HCFC1: variants seen among roughly 807,000 people sequenced by gnomAD.
HCFC1 encodes host cell factor 1.
HCFC1 carries 7 observed loss-of-function variants against 105.5 expected under a neutral mutation model. The observed-to-expected ratio is 0.07, with a 90% CI of 0.04 to 0.12. The LOEUF (loss-of-function observed/expected upper bound fraction) is 0.12, where lower values mean the gene tolerates loss of function less well. HCFC1 is among the 10% of genes least tolerant of loss of function. The probability of loss-of-function intolerance (pLI) is 1.00; values close to 1 mark genes in which losing one functional copy is unlikely to be tolerated. For missense variants in HCFC1, 1,065 were observed against 1,823.6 expected, an observed-to-expected ratio of 0.58 and a Z score of 7.58; for synonymous variants, 918 against 828.1, an observed-to-expected ratio of 1.11 and a Z score of -1.86.
chrX:153,958,880 G>A (rs1337653542), intron 9 of HCFC1, 114 bp from the exon 10 acceptor site: 37 of 531,858 alleles, frequency 7.0e-5, no homozygotes, highest in East Asian at 2.9e-4. Context: ...GCCTCATCCC[G>A]CCAGCATGGC....
chrX:153,969,718 G>A (rs1235972285), intron 1 of HCFC1: 1 of 113,377 alleles, frequency 8.8e-6, no homozygotes, highest in Non-Finnish European at 1.9e-5. Flanking sequence ...GAAGGCCGTG[G>A]TGCATCAGCC....
At chrX:153,965,661 G>A (rs1391534987) in intron 1 of HCFC1, among the ~76,000 whole-genome samples, 1 of 112,524 alleles carries the variant, frequency 8.9e-6, no homozygotes, top group African/African-American at 3.2e-5. Flanking sequence ...GCAGACGGCA[G>A]AAGGAACTGA....
rs1266220019 is a variant in HCFC1, at chrX:153,949,199, CAG to C, written c.*146_*147del. On this transcript the variant is annotated 3_prime_UTR_variant, in exon 26 of 26. Coordinates refer to ENST00000310441, the MANE Select transcript of HCFC1 (RefSeq NM_005334.3). ...TGCTTTCTTTAGATTATTTTAAAAA[CAG>C]AGAGAAAGAGAAAGGGGAGAGGAGT... 6.4e-6 allele frequency: 3 copies of C among 469,118 alleles called. No individual in the cohort carries two copies. Among genetic ancestry groups the C allele is most frequent in the Admixed American group, 7.0e-5 (2 of 28,487 alleles). The allele number at this position is 469,118 out of a possible 1,213,427, so 38.7% of individuals were successfully genotyped here.
intron 12 of HCFC1, 101 bp downstream of exon 12, chrX:153,957,681 T>C (rs2065391181): frequency 3.9e-6 from 3 of 764,896 alleles, no homozygotes; most frequent in East Asian, 6.4e-5. Flanking sequence ...TGCTGAGCCA[T>C]GTGTGCTCAT....
At chrX:153,962,379 C>T (rs193052579) in intron 4 of HCFC1, 73 bp from the exon 5 acceptor site, 19 of 749,672 alleles carry the variant, frequency 2.5e-5, no homozygotes, top group African/African-American at 2.1e-5. Flanking sequence ...TTCAAGCTAG[C>T]TCAGGAAGGT....
rs1557115427 is a variant in HCFC1, at chrX:153,957,441, A to G, written c.2226T>C (p.Ser742=). 8.3e-7 allele frequency: 1 copy of G among 1,210,235 alleles called. No homozygotes were observed. ...GGATGGTGGGCTTGGTCCCCGCCCC[A>G]CTGGCCTGCGTGGTAGTGATGATGG... is the stretch of plus-strand genomic sequence containing the variant. ...PTTIITTTQA[S]GAGTKPTILG... Residue 742 remains serine (S), a synonymous_variant, in exon 13 of 26, where the codon AGT becomes AGC. Transcript: ENST00000310441.
rs781993325 is a variant in HCFC1 at position 153,958,783 on chromosome X, C to T, written c.1606-17G>A. 2.7e-6 allele frequency: 3 copies of T among 1,129,037 alleles called. No homozygotes were observed. The highest frequency in any genetic ancestry group is 3.5e-6 in the Non-Finnish European group (3 of 845,604). 93.0% of individuals were successfully genotyped at this position (1,129,037 alleles called of 1,213,427 possible). On this transcript the variant is annotated splice_polypyrimidine_tract_variant and intron_variant, in intron 9 of 25. Coordinates refer to ENST00000310441, the MANE Select transcript of HCFC1 (RefSeq NM_005334.3). The stretch of plus-strand genomic sequence containing the variant: ...GCCAATCACCTGCAGCAGGCACGGG[C>T]ATGTGAGGCCAGGTCACAGGTGCCA...
rs2065445801 is a variant in HCFC1, at chrX:153,963,215, C to T, written c.712+10G>A. On this transcript the variant is annotated intron_variant, in intron 4 of 25. Transcript: ENST00000310441. Reference sequence around the variant, plus strand: ...TCCCATGGCTGCTGGGGTGCTACCACCCTGCTCACCAATATCTAGGGTCCA... The same window carrying T: ...TCCCATGGCTGCTGGGGTGCTACCATCCTGCTCACCAATATCTAGGGTCCA... 2.5e-6 allele frequency: 3 copies of T among 1,195,049 alleles called. No individual in the cohort carries two copies. Among genetic ancestry groups the T allele is most frequent in the Non-Finnish European group, 3.4e-6 (3 of 882,030 alleles).
At position 153,949,075 on chromosome X, in the gene HCFC1, C is replaced by T. The variant is rs1474386551; in HGVS notation, c.*272G>A. On this transcript the variant is annotated 3_prime_UTR_variant, in exon 26 of 26. Transcript: ENST00000310441. ...CTCCGCCTTCCCTCCCCGCAAAAGTCTCTCCCCAGGGTGGGCGGCAGCGGG... is the reference window on the plus strand; with the variant it reads ...CTCCGCCTTCCCTCCCCGCAAAAGTTTCTCCCCAGGGTGGGCGGCAGCGGG... 1 of 266,635 alleles carries T rather than the reference C, an allele frequency of 3.8e-6. No individual in the cohort carries two copies. Among genetic ancestry groups the T allele is most frequent in the Non-Finnish European group, 6.6e-6 (1 of 151,684 alleles). The allele number at this position is 266,635 out of a possible 1,213,427, so 22.0% of individuals were successfully genotyped here. A position where few individuals can be genotyped will look rare whatever the true frequency, so the allele number is the denominator to read the frequency against.
At position 153,958,196 on chromosome X, in the gene HCFC1, T is replaced by C. The variant is rs1557115708; in HGVS notation, c.1857A>G (p.Thr619=). The change falls in exon 11 of 26, where the codon ACA becomes ACG. Residue 619 remains threonine (T), a synonymous_variant. Transcript: ENST00000310441. ...ACGTGTTGGTGGCGGAGGAAACCGA[T>C]GTCCCCACCTGGGCGGCTGCAGTCT... ...MLKTAAAQVG[T]SVSSATNTST... is the part of the protein sequence containing the mutation. The C allele has an allele frequency of 2.5e-6, 3 of 1,211,935 alleles. No individual in the cohort carries two copies. Among genetic ancestry groups the C allele is most frequent in the Non-Finnish European group, 2.2e-6 (2 of 895,325 alleles).
intron 6 of HCFC1, among the ~76,000 whole-genome samples, chrX:153,960,695 G>A (rs1051710878): frequency 2.7e-5 from 3 of 112,580 alleles, no homozygotes; most frequent in Non-Finnish European, 3.8e-5. Flanking sequence ...AGAAAGAGAC[G>A]GCAATGGGAA....
chrX:153,952,824 C>G lies in HCFC1; in HGVS notation c.4632G>C (p.Pro1544=), dbSNP rs782758331. ...CTGTGCTGCTCAGATCCACGGCGGC[C>G]GGGAGCTCAGGGGTCTGGGAGGCTG... The part of the protein sequence containing the change: ...VLSASQTPEL[P]AAVDLSSTGE... The change falls in exon 19 of 26, where the codon CCG becomes CCC. Residue 1544 remains proline, a synonymous_variant. Transcript: ENST00000310441. 1 of 1,196,278 alleles carries G rather than the reference C, an allele frequency of 8.4e-7. No homozygotes were observed. Among genetic ancestry groups the G allele is most frequent in the Non-Finnish European group, 1.1e-6 (1 of 887,781 alleles).
Position 153,952,164 on chromosome X carries a change from C to T in HCFC1, c.4943-6G>A, listed in dbSNP as rs1557112764. The T allele has an allele frequency of 9.1e-7, 1 of 1,102,762 alleles. No homozygotes were observed. Among genetic ancestry groups the T allele is most frequent in the South Asian group, 2.3e-5 (1 of 44,075 alleles). The allele number at this position is 1,102,762 out of a possible 1,213,427, so 90.9% of individuals were successfully genotyped here. On this transcript the variant is annotated splice_region_variant and splice_polypyrimidine_tract_variant and intron_variant, in intron 19 of 25. Transcript: ENST00000310441. ...GTCCATGGGCTCGCCGGTGCCTGCTCCAGGGTCGAGAGAAACACTACTTAC... is the reference window on the plus strand; with the variant it reads ...GTCCATGGGCTCGCCGGTGCCTGCTTCAGGGTCGAGAGAAACACTACTTAC...
Position 153,964,730 on chromosome X carries a change from G to C in HCFC1, c.194-4C>G. ...GGGATGAACCACTGGTTGGTTGCTG[G>C]GGAACAGAAGGAGGCAGAAGTCAGA... On this transcript the variant is annotated splice_polypyrimidine_tract_variant and splice_region_variant and intron_variant, in intron 1 of 25. Coordinates refer to ENST00000310441, the MANE Select transcript of HCFC1 (RefSeq NM_005334.3). 1.7e-6 allele frequency: 2 copies of C among 1,161,764 alleles called. No individual in the cohort carries two copies.
chrX:153,952,666 G>A lies in HCFC1; in HGVS notation c.4790C>T (p.Ala1597Val), dbSNP rs372010656. 7.5e-5 allele frequency: 91 copies of A among 1,210,577 alleles called. No individual in the cohort carries two copies. The highest frequency in any genetic ancestry group is 9.7e-5 in the Non-Finnish European group (87 of 895,117). Residue 1597 changes from alanine to valine, a missense_variant, in exon 19 of 26, where the codon GCT (alanine) becomes GTT (valine). Ala to Val is a moderately conservative substitution (Grantham distance 64, BLOSUM62 0). Transcript: ENST00000310441. ...LPQELMAEAQ[A>V]GTTTLMVTGL... is the part of the protein sequence containing the mutation. ...CGTTACCATGAGGGTGGTGGTGCCA[G>A]CTTGGGCCTCGGCCATTAGCTCTTG...
chrX:153,962,577 G>A (rs782670531), intron 4 of HCFC1, among the ~76,000 whole-genome samples: 4 of 112,494 alleles, frequency 3.6e-5, no homozygotes, highest in Non-Finnish European at 7.5e-5. Context: ...TGCTGGGGGA[G>A]GAGTGGTGGG....
chrX:153,949,696 G>T, intron 24 of HCFC1, 80 bp from the exon 25 acceptor site: 1 of 905,339 alleles, frequency 1.1e-6, no homozygotes, highest in Non-Finnish European at 1.6e-6. Flanking sequence ...CCCGCCTGCA[G>T]AGTCTCTTGG....
At chrX:153,953,549 G>A in intron 18 of HCFC1, 58 bp downstream of exon 18, 1 of 1,122,483 alleles carries the variant, frequency 8.9e-7, no homozygotes, top group Non-Finnish European at 1.2e-6. Flanking sequence ...TCTGAGTGTG[G>A]AACTGCACGG....
At chrX:153,953,537 C>T (rs893814090) in intron 18 of HCFC1, 70 bp downstream of exon 18, 17 of 1,056,419 alleles carry the variant, frequency 1.6e-5, no homozygotes, top group Non-Finnish European at 1.8e-5. Context: ...CGACATCTGG[C>T]GTCTGAGTGT....
Sources: allele counts gnomAD v4.1 joint callset (sites outside exome capture counted in the v4.1 genomes callset), GRCh38; gene constraint gnomAD v4.1.1; transcripts MANE v1.5; gene names NCBI Gene and HGNC (gene_info 2026-07-23, HGNC 2026-07-21).